SGCD: variants seen among roughly 807,000 people sequenced by gnomAD.
The protein encoded by SGCD is sarcoglycan delta.
Under a neutral mutation model 36.6 loss-of-function variants are expected in SGCD, and 18 were observed. That is an observed-to-expected ratio of 0.49 (90% confidence interval 0.34 to 0.73). The LOEUF (loss-of-function observed/expected upper bound fraction) is 0.73, where lower values mean the gene tolerates loss of function less well. Ranked by LOEUF, SGCD falls within the 30% of genes least tolerant of loss-of-function variation. SGCD has a pLI of 0.01. For missense variants in SGCD, 387 were observed against 346.7 expected (o/e 1.12, Z -0.92); for synonymous variants, 133 against 130.6 (o/e 1.02, Z -0.12).
At chr5:156,227,536 A>T (rs2127649022) in intron 3 of SGCD, among the ~76,000 whole-genome samples, 1 of 152,108 alleles carries the variant, frequency 6.6e-6, no homozygotes, top group East Asian at 1.9e-4. Flanking sequence ...AGGTAATGTG[A>T]TGCCTCTAGA....
At chr5:156,434,373 G>A (rs2127790109) in intron 3 of SGCD, among the ~76,000 whole-genome samples, 1 of 152,306 alleles carries the variant, frequency 6.6e-6, no homozygotes. Context: ...TAAACACACA[G>A]AGGGGAAATG....
At chr5:156,754,488 C>T (rs2096093116) in intron 7 of SGCD, among the ~76,000 whole-genome samples, 1 of 152,052 alleles carries the variant, frequency 6.6e-6, no homozygotes, top group African/African-American at 2.4e-5. Context: ...CTATTGTTTA[C>T]ATAGATTGGT....
At chr5:156,184,352 G>A (rs1763681726) in intron 3 of SGCD, among the ~76,000 whole-genome samples, 1 of 149,290 alleles carries the variant, frequency 6.7e-6, no homozygotes, top group Admixed American at 6.7e-5. Flanking sequence ...GGGATATGAG[G>A]AAGGCTGACA....
rs536321126 is a variant in SGCD at position 156,286,463 on chromosome 5, G to A, written c.-43-43071G>A. Among the ~76,000 whole-genome samples, 20 of 152,318 alleles carry A rather than the reference G, an allele frequency of 1.3e-4. No individual in the cohort carries two copies. The South Asian group carries it at 4.1e-3, about 32-fold the overall frequency. ...TGATAGACTGGATTAAGAAGATGTG[G>A]CATATATACACCATGGAATACTATG... On this transcript the variant is annotated intron_variant, in intron 3 of 9. Coordinates refer to the SGCD transcript ENST00000517913.
chr5:156,410,555 A>G lies in SGCD; in HGVS notation c.192+65878A>G, dbSNP rs558103228. ...GAATTATTTTTTTAAAGTTACAGCTACCATGCAGAGCTGGTGTAGGAATTA... is the reference window on the plus strand; with the variant it reads ...GAATTATTTTTTTAAAGTTACAGCTGCCATGCAGAGCTGGTGTAGGAATTA... On this transcript the variant is annotated intron_variant, in intron 3 of 8. Transcript: ENST00000337851. Among the ~76,000 whole-genome samples, 59 of 152,358 alleles carry G rather than the reference A, an allele frequency of 3.9e-4. 1 individual carries two copies. Among genetic ancestry groups the G allele is most frequent in the Non-Finnish European group, 6.5e-4 (44 of 68,024 alleles).
At chr5:156,535,138 C>A (rs1005873702) in intron 4 of SGCD, among the ~76,000 whole-genome samples, 66 of 152,208 alleles carry the variant, frequency 4.3e-4, no homozygotes, top group Non-Finnish European at 5.9e-5. Context: ...CATGCAAATG[C>A]AGCTGTGATG....
chr5:156,503,739 A>G (rs988962085), intron 3 of SGCD, among the ~76,000 whole-genome samples: 3 of 152,210 alleles, frequency 2.0e-5, no homozygotes, highest in African/African-American at 7.2e-5. Context: ...TCATAAGAAC[A>G]TTGAAGAGAT....
intron 3 of SGCD, among the ~76,000 whole-genome samples, chr5:156,195,403 C>T (rs1763998598): frequency 2.6e-5 from 4 of 152,146 alleles, no homozygotes; most frequent in Admixed American, 2.6e-4. Flanking sequence ...CAGGTTTTCA[C>T]ATCTAAATGT....
chr5:156,285,072 A>T (rs1766557461), intron 3 of SGCD, among the ~76,000 whole-genome samples: 1 of 152,214 alleles, frequency 6.6e-6, no homozygotes. Flanking sequence ...TCCCATTCAC[A>T]ATTGCTTCAA....
At chr5:155,873,131 T>C (rs1755694381) in intron 1 of SGCD, among the ~76,000 whole-genome samples, 1 of 152,156 alleles carries the variant, frequency 6.6e-6, no homozygotes, top group Non-Finnish European at 1.5e-5. Context: ...TCAAGCATTC[T>C]AGGGTGATCC....
In SGCD at chr5:156,403,138, C is replaced by G. The variant is rs1190337519; in HGVS notation, c.192+58461C>G. On this transcript the variant is annotated intron_variant, in intron 3 of 8. Coordinates refer to ENST00000337851, the MANE Select transcript of SGCD (RefSeq NM_000337.6). ...CAAATCCACATCTCCTCCAACCCAC[C>G]CTGCCGCCTTTTCCTGTCTGTCCTT... Among the ~76,000 whole-genome samples the G allele has an allele frequency of 2.6e-5, 4 of 152,124 alleles. No individual in the cohort carries two copies. In the East Asian group the frequency reaches 5.8e-4, roughly 22 times the overall value.
intron 3 of SGCD, among the ~76,000 whole-genome samples, chr5:156,296,982 ACT>A (rs1171465371): frequency 2.0e-5 from 3 of 151,466 alleles, no homozygotes; most frequent in African/African-American, 7.3e-5. Context: ...ATATGTACAC[ACT>A]CTATATAGTT....
rs1163002647 is a variant in SGCD at position 156,456,582 on chromosome 5, T to C, written c.193-52019T>C. ...CAGCCTGGTGTCTCCTTGCTGCCTA[T>C]AGCAAAGTGCAAAAGAACAGAGATA... On this transcript the variant is annotated intron_variant, in intron 3 of 8. Transcript: ENST00000337851. Among the ~76,000 whole-genome samples, 5 of 152,222 alleles carry C rather than the reference T, an allele frequency of 3.3e-5. No homozygotes were observed. The East Asian group carries it at 9.7e-4, about 29-fold the overall frequency.
intron 3 of SGCD, among the ~76,000 whole-genome samples, chr5:156,200,395 C>T (rs1352219204): frequency 6.6e-6 from 1 of 151,880 alleles, no homozygotes; most frequent in African/African-American, 2.4e-5. Context: ...GACAAGTGTG[C>T]CAAGACTACA....
the SGCD span, among the ~76,000 whole-genome samples, chr5:155,748,345 T>C: frequency 6.6e-6 from 1 of 152,178 alleles, no homozygotes; most frequent in East Asian, 1.9e-4. Context: ...TTGAAATATT[T>C]ATATAGATAA....
intron 7 of SGCD, among the ~76,000 whole-genome samples, chr5:156,721,527 A>C (rs1755500483): frequency 6.6e-6 from 1 of 152,224 alleles, no homozygotes; most frequent in Non-Finnish European, 1.5e-5. Context: ...AGAGAGCTAA[A>C]ATCACCAAAT....
At chr5:156,382,842 T>C (rs182548275) in intron 3 of SGCD, among the ~76,000 whole-genome samples, 6 of 152,322 alleles carry the variant, frequency 3.9e-5, no homozygotes, top group Admixed American at 1.3e-4. Context: ...AAAACAGTTA[T>C]TAGATTTTAA....
At chr5:156,094,161 G>A (rs1761320513) in intron 1 of SGCD, among the ~76,000 whole-genome samples, 1 of 152,134 alleles carries the variant, frequency 6.6e-6, no homozygotes, top group South Asian at 2.1e-4. Flanking sequence ...CAGGGGGAGA[G>A]GCGGTACTGT....
chr5:156,568,967 C>T (rs1035780981), intron 4 of SGCD, among the ~76,000 whole-genome samples: 7 of 152,134 alleles, frequency 4.6e-5, no homozygotes, highest in Non-Finnish European at 2.9e-5. Context: ...AATTCATGGC[C>T]ATACAGTAGT....
Sources: allele counts gnomAD v4.1 joint callset (sites outside exome capture counted in the v4.1 genomes callset), GRCh38; gene constraint gnomAD v4.1.1; transcripts MANE v1.5; gene names NCBI Gene and HGNC (gene_info 2026-07-23, HGNC 2026-07-21).